RNF14: variants seen among roughly 807,000 people sequenced by gnomAD.
RNF14 encodes the protein E3 ubiquitin-protein ligase RNF14.
A neutral mutation model predicts 52.6 loss-of-function variants in RNF14; 26 were observed. The observed-to-expected ratio is 0.49, with a 90% CI of 0.36 to 0.69. The LOEUF is 0.69. Among genes scored for constraint, RNF14 ranks in the 30% least tolerant of loss-of-function variants. The pLI, the probability that RNF14 is intolerant of heterozygous loss-of-function variation, is 0.00. For synonymous variants in RNF14, 194 were observed against 202.0 expected, an observed-to-expected ratio of 0.96 and a Z score of 0.34; for missense variants, 404 against 560.4, an observed-to-expected ratio of 0.72 and a Z score of 2.82.
chr5:141,974,929 A>T lies in RNF14; in HGVS notation c.280A>T (p.Ser94Cys). The T allele has an allele frequency of 6.2e-7, 1 of 1,613,908 alleles. No individual in the cohort carries two copies. The highest frequency in any genetic ancestry group is 1.1e-5 in the South Asian group (1 of 91,030). ...PSSSPPSFTLSGKWLSPTQLS... is the reference protein window; with the variant it reads ...PSSSPPSFTLCGKWLSPTQLS... ...CTCTTCCCCACCTTCATTCACACTT[A>T]GTGGCAAATGGCTGTCACCAACTCA... The change falls in exon 4 of 9, where the codon AGT (serine) becomes TGT (cysteine). Residue 94 changes from serine (S) to cysteine (C), a missense_variant. Physicochemically the swap from Ser to Cys is moderately radical, Grantham distance 112 (BLOSUM62 -1). Coordinates refer to ENST00000394520, the MANE Select transcript of RNF14 (RefSeq NM_004290.5).
At chr5:141,974,223 C>G (rs571925422) in intron 3 of RNF14, among the ~76,000 whole-genome samples, 39 of 152,346 alleles carry the variant, frequency 2.6e-4, no homozygotes, top group African/African-American at 9.1e-4. Context: ...GACTTTGATG[C>G]ACACTTTCTC....
At chr5:141,951,586 A>T in the RNF14 span, 15 of 1,613,638 alleles carry the variant, frequency 9.3e-6, no homozygotes, top group Non-Finnish European at 1.2e-5. Flanking sequence ...CAGCTGGGAG[A>T]TTTGCTACAA....
At chr5:141,981,874 GAA>G (rs1754819441) in intron 6 of RNF14, among the ~76,000 whole-genome samples, 1 of 151,332 alleles carries the variant, frequency 6.6e-6, no homozygotes, top group Admixed American at 6.6e-5. Context: ...AGAGGAAAAA[GAA>G]AAATAGTAAT....
upstream of RNF14, chr5:141,955,779 CA>C: frequency 6.2e-7 from 1 of 1,613,880 alleles, no homozygotes. This position sits in a 1 kb window ranked among gnomAD's most constrained non-coding sequence, Gnocchi z 5.5. Context: ...ACATGACCCT[CA>C]ACAGGGCTCG....
At chr5:141,956,221 A>G (rs757056894), upstream of RNF14, 5 of 1,614,068 alleles carry the variant, frequency 3.1e-6, no homozygotes, top group South Asian at 3.3e-5. Flanking sequence ...GGATGCAAGC[A>G]TGGGTTGCCC....
chr5:141,971,041 T>G (rs1753698800), intron 2 of RNF14, among the ~76,000 whole-genome samples, 164 bp downstream of exon 2: 1 of 152,240 alleles, frequency 6.6e-6, no homozygotes, highest in African/African-American at 2.4e-5. Context: ...TCCTAACTTT[T>G]TACTTATGTA....
chr5:141,951,964 C>T, the RNF14 span, among the ~76,000 whole-genome samples: 1 of 152,222 alleles, frequency 6.6e-6, no homozygotes, highest in Non-Finnish European at 1.5e-5. Context: ...AGTTATGTTC[C>T]CCTTTAGCAG....
upstream of RNF14, among the ~76,000 whole-genome samples, chr5:141,964,730 C>T (rs531157852): frequency 7.2e-5 from 11 of 151,844 alleles, no homozygotes; most frequent in Admixed American, 2.0e-4. Flanking sequence ...TCTCCTGTCT[C>T]GGCCTCCCGA....
At chr5:141,984,748 T>C in intron 7 of RNF14, 55 bp from the exon 8 acceptor site, 1 of 1,572,530 alleles carries the variant, frequency 6.4e-7, no homozygotes, top group Admixed American at 1.7e-5. Context: ...TGGCATGTGC[T>C]GTCTCTTCTG....
chr5:141,976,943 C>T (rs1754323150), intron 4 of RNF14, among the ~76,000 whole-genome samples: 1 of 152,110 alleles, frequency 6.6e-6, no homozygotes, highest in Non-Finnish European at 1.5e-5. Context: ...CGCCCGCCAC[C>T]ACACCTGGCT....
intron 8 of RNF14, among the ~76,000 whole-genome samples, chr5:141,985,931 G>A (rs1388087907): frequency 6.6e-6 from 1 of 152,188 alleles, no homozygotes; most frequent in Non-Finnish European, 1.5e-5. Context: ...TGTCCATGGT[G>A]TCCTTTAGCT....
At chr5:141,962,678 A>G (rs1753284175), upstream of RNF14, among the ~76,000 whole-genome samples, 2 of 152,204 alleles carry the variant, frequency 1.3e-5, no homozygotes, top group African/African-American at 4.8e-5. Flanking sequence ...CGTTATTGCA[A>G]ATTATAGACC....
the RNF14 span, among the ~76,000 whole-genome samples, chr5:141,950,000 C>T: frequency 2.0e-5 from 3 of 152,192 alleles, no homozygotes; most frequent in Non-Finnish European, 2.9e-5. Flanking sequence ...TCCATCCGTC[C>T]GTAGGAGAAG....
intron 2 of RNF14, among the ~76,000 whole-genome samples, chr5:141,971,561 C>CTT (rs137979363): frequency 3.1e-5 from 1 of 31,970 alleles, no homozygotes; most frequent in Non-Finnish European, 5.9e-5. Context: ...TAGCTAATTT[C>CTT]TTTTTCTTTC....
rs750074718 is a variant in RNF14, at chr5:141,978,318, A to G, written c.322A>G (p.Lys108Glu). 1.9e-5 allele frequency: 30 copies of G among 1,601,308 alleles called. No homozygotes were observed. Among genetic ancestry groups the G allele is most frequent in the African/African-American group, 2.7e-5 (2 of 74,506 alleles). ...TTTCTCCTAGCTATCTGCTCTATGCAAGCACTTAGACAACCTATGGGAAGA... is the reference window on the plus strand; with the variant it reads ...TTTCTCCTAGCTATCTGCTCTATGCGAGCACTTAGACAACCTATGGGAAGA... Reference protein sequence around the residue: ...LSPTQLSALCKHLDNLWEEHR... With the variant: ...LSPTQLSALCEHLDNLWEEHR... The change falls in exon 5 of 9, where the codon AAG becomes GAG. Residue 108 changes from lysine (K) to glutamate (E), a missense_variant. By Grantham distance (56) the Lys-to-Glu change is moderately conservative. Transcript: ENST00000394520.
chr5:141,953,911 G>A (rs1245632105), upstream of RNF14, among the ~76,000 whole-genome samples: 10 of 152,178 alleles, frequency 6.6e-5, no homozygotes, highest in Admixed American at 6.5e-4. Flanking sequence ...TGCCTTGGGC[G>A]GGCAGCCTGG....
Position 141,988,818 on chromosome 5 carries a change from C to T in RNF14, c.*1028C>T, listed in dbSNP as rs1337825273. The T allele has an allele frequency of 6.6e-6, 1 of 152,278 alleles. No individual in the cohort carries two copies. The highest frequency in any genetic ancestry group is 1.5e-5 in the Non-Finnish European group (1 of 68,034). The allele number at this position is 152,278 out of a possible 1,614,324, so 9.4% of individuals were successfully genotyped here. A position where few individuals can be genotyped will look rare whatever the true frequency, so the allele number is the denominator to read the frequency against. ...AACTTTCTGAATTATTTTTAAAGAT[C>T]TTCTCTAACAAGCTATGGGAATTTG... On this transcript the variant is annotated 3_prime_UTR_variant, in exon 9 of 9. Coordinates refer to ENST00000394520, the MANE Select transcript of RNF14 (RefSeq NM_004290.5).
chr5:141,957,373 A>G (rs909674402), upstream of RNF14: 24 of 1,613,854 alleles, frequency 1.5e-5, no homozygotes, highest in Non-Finnish European at 2.0e-5. The surrounding 1 kb of genome is among the most constrained non-coding windows in gnomAD (Gnocchi z 4.3). Flanking sequence ...GTCTGGGTCA[A>G]GAGCTCTGTC....
upstream of RNF14, among the ~76,000 whole-genome samples, chr5:141,962,718 A>G (rs1753284701): frequency 6.6e-6 from 1 of 152,210 alleles, no homozygotes. Context: ...AAAATACAAG[A>G]AAAGATTTGT....
Sources: gnomAD v4.1 joint callset for allele counts (sites outside exome capture counted in the v4.1 genomes callset) on GRCh38, gnomAD v4.1.1 for gene constraint, Gnocchi (gnomAD v3.1) non-coding constraint, MANE v1.5 for transcripts, NCBI Gene and HGNC (gene_info 2026-07-23, HGNC 2026-07-21) for gene names.